The following CNGA3 variants were observed in gnomAD, a reference collection of about 807,000 sequenced individuals.
CNGA3 encodes cyclic nucleotide-gated channel alpha-3.
Under a neutral mutation model 46.6 loss-of-function variants are expected in CNGA3, and 42 were observed. The ratio of observed to expected loss-of-function variants is 0.90; its 90% CI spans 0.70 to 1.17. The LOEUF is 1.17. Among genes scored for constraint, CNGA3 ranks in the 50% most tolerant of loss-of-function variants. CNGA3 has a pLI of 0.00. For missense variants in CNGA3, 893 were observed against 890.7 expected, an observed-to-expected ratio of 1.00 and a Z score of -0.03; for synonymous variants, 394 against 369.4, an observed-to-expected ratio of 1.07 and a Z score of -0.76.
At chr2:98,360,765 A>C (rs190022540) in intron 1 of CNGA3, among the ~76,000 whole-genome samples, 1 of 152,298 alleles carries the variant, frequency 6.6e-6, no homozygotes, top group African/African-American at 2.4e-5. Context: ...GTTGAGTCCT[A>C]ATGTGGCTTC....
rs2104251620 is a variant in CNGA3, at chr2:98,397,285, G to A, written c.*30G>A. 6.2e-7 allele frequency: 1 copy of A among 1,608,966 alleles called. No homozygotes were observed. The highest frequency in any genetic ancestry group is 8.5e-7 in the Non-Finnish European group (1 of 1,176,870). On this transcript the variant is annotated 3_prime_UTR_variant, in exon 8 of 8. Transcript: ENST00000272602. ...GCAGCATCTGTCTCCTGCTTCACAGGGTCGACTGTCAGGGTGACCGTATGT... is the reference window on the plus strand; with the variant it reads ...GCAGCATCTGTCTCCTGCTTCACAGAGTCGACTGTCAGGGTGACCGTATGT...
chr2:98,390,226 C>A (rs984557444), intron 6 of CNGA3, among the ~76,000 whole-genome samples: 1 of 151,930 alleles, frequency 6.6e-6, no homozygotes, highest in South Asian at 2.1e-4. Flanking sequence ...ACCTCCACCT[C>A]CCGGGTTAAA....
Position 98,389,707 on chromosome 2 carries a change from C to T in CNGA3, c.499C>T (p.Leu167=). 6.2e-7 allele frequency: 1 copy of T among 1,613,838 alleles called. No individual in the cohort carries two copies. Among genetic ancestry groups the T allele is most frequent in the South Asian group, 1.1e-5 (1 of 91,064 alleles). The change falls in exon 6 of 8, where the codon CTG becomes TTG. Residue 167 remains leucine (L), a synonymous_variant. Transcript: ENST00000272602. ...GATCGTGGTGGACCCGTCCAGCAAC[C>T]TGTACTACCGCTGGCTGACCGCCAT... ...DAIVVDPSSN[L]YYRWLTAIAL... is the part of the protein sequence containing the mutation.
intron 5 of CNGA3, among the ~76,000 whole-genome samples, chr2:98,385,256 G>A (rs913706748): frequency 4.6e-5 from 7 of 152,216 alleles, no homozygotes; most frequent in Non-Finnish European, 7.3e-5. Context: ...GGGCAGCGCC[G>A]TCTGCTGGTG....
intron 5 of CNGA3, among the ~76,000 whole-genome samples, chr2:98,387,079 G>A (rs138966762): frequency 1.4e-4 from 22 of 152,256 alleles, no homozygotes; most frequent in Non-Finnish European, 2.1e-4. Flanking sequence ...CAGCTATTAC[G>A]GTAAACTCTT....
chr2:98,387,436 T>C (rs1692677434), intron 5 of CNGA3, among the ~76,000 whole-genome samples: 1 of 152,142 alleles, frequency 6.6e-6, no homozygotes, highest in Admixed American at 6.5e-5. Context: ...ACTCGAGGGG[T>C]TGTCCCTTCC....
intron 7 of CNGA3, among the ~76,000 whole-genome samples, chr2:98,392,860 C>T (rs79824163): frequency 6.6e-6 from 1 of 152,186 alleles, no homozygotes; most frequent in African/African-American, 2.4e-5. Flanking sequence ...AGGATACTCA[C>T]CCCTTCACAT....
chr2:98,377,457 C>G, intron 2 of CNGA3: 1 of 522,950 alleles, frequency 1.9e-6, no homozygotes, highest in Non-Finnish European at 3.5e-6. Context: ...GTCCTTTCAC[C>G]TAGCCCTGGA....
Position 98,346,553 on chromosome 2 carries a change from T to C in CNGA3, c.-38+19T>C, listed in dbSNP as rs904508124. On this transcript the variant is annotated intron_variant, in intron 1 of 7. Coordinates refer to ENST00000272602, the MANE Select transcript of CNGA3 (RefSeq NM_001298.3). ...TGGCAGGGTAAGGATTTTTAGGGGC[T>C]CTTGAGCTGGAATTTTTTGGGGGGC... is the stretch of plus-strand genomic sequence containing the variant. 1.8e-5 allele frequency: 7 copies of C among 397,184 alleles called. No homozygotes were observed. The highest frequency in any genetic ancestry group is 3.1e-5 in the Non-Finnish European group (7 of 225,658). 24.6% of individuals were successfully genotyped at this position (397,184 alleles called of 1,614,324 possible). A position where few individuals can be genotyped will look rare whatever the true frequency, so the allele number is the denominator to read the frequency against.
In CNGA3 at chr2:98,395,945, A is replaced by G. The variant is rs1191742974; in HGVS notation, c.775A>G (p.Thr259Ala). ...FKLDVLSLVP[T>A]DLAYLKVGTN... ...GCTGGATGTGTTGTCCCTGGTCCCC[A>G]CCGACCTGGCTTACTTAAAGGTGGG... Residue 259 changes from threonine (T) to alanine (A), a missense_variant, in exon 8 of 8, where the codon ACC becomes GCC. Thr to Ala is a moderately conservative substitution (Grantham distance 58, BLOSUM62 0). Around this residue, in one of 3 missense-constraint regions of CNGA3, gnomAD observed 548 missense variants for 570.8 expected, o/e 0.96. Transcript: ENST00000272602. 2 of 1,614,206 alleles carry G rather than the reference A, an allele frequency of 1.2e-6. No homozygotes were observed. The highest frequency in any genetic ancestry group is 2.2e-5 in the East Asian group (1 of 44,890).
At position 98,396,555 on chromosome 2, in the gene CNGA3, A is replaced by G; in HGVS notation, c.1385A>G (p.Asp462Gly). ...AAGGAGGTGCTCAAGAGCCTCCCAG[A>G]CAAGCTGAAGGCTGAGATCGCCATC... ...DEKEVLKSLP[D>G]KLKAEIAINV... Residue 462 changes from aspartate to glycine, a missense_variant, in exon 8 of 8, where the codon GAC becomes GGC. By Grantham distance (94) the Asp-to-Gly change is moderately conservative. This residue lies in a region of CNGA3 where 548 missense variants were observed against 570.8 expected (regional missense o/e 0.96). Coordinates refer to ENST00000272602, the MANE Select transcript of CNGA3 (RefSeq NM_001298.3). 6.2e-7 allele frequency: 1 copy of G among 1,614,048 alleles called. No homozygotes were observed. Among genetic ancestry groups the G allele is most frequent in the Non-Finnish European group, 8.5e-7 (1 of 1,179,990 alleles).
At chr2:98,390,007 C>A (rs1483408664) in intron 6 of CNGA3, among the ~76,000 whole-genome samples, 1 of 152,174 alleles carries the variant, frequency 6.6e-6, no homozygotes, top group South Asian at 2.1e-4. Context: ...GCCAGGGTTT[C>A]GGCACTGTGG....
At chr2:98,348,849 C>A (rs1691705529) in intron 1 of CNGA3, among the ~76,000 whole-genome samples, 1 of 152,198 alleles carries the variant, frequency 6.6e-6, no homozygotes, top group East Asian at 1.9e-4. Flanking sequence ...TGCAACCTAC[C>A]AGGTGGCCTG....
chr2:98,351,586 C>A (rs1000069756), intron 1 of CNGA3, among the ~76,000 whole-genome samples: 8 of 152,172 alleles, frequency 5.3e-5, no homozygotes, highest in Non-Finnish European at 1.0e-4. Context: ...ATGTCTTTAT[C>A]AGCAGCATGA....
chr2:98,377,993 G>T, intron 3 of CNGA3, 193 bp downstream of exon 3: 1 of 1,509,066 alleles, frequency 6.6e-7, no homozygotes, highest in Non-Finnish European at 8.9e-7. Context: ...GCTCAGAAAA[G>T]TCTAAGGAAA....
At chr2:98,382,015 G>A (rs555507454) in intron 4 of CNGA3, among the ~76,000 whole-genome samples, 4 of 152,282 alleles carry the variant, frequency 2.6e-5, no homozygotes, top group African/African-American at 9.6e-5. Context: ...AGAGATGAAT[G>A]TTAGACTCTC....
In CNGA3 at chr2:98,398,377, CCTTCA is replaced by C. The variant is rs1692973311; in HGVS notation, c.*1126_*1130del. 1 of 152,256 alleles carries C rather than the reference CCTTCA, an allele frequency of 6.6e-6. No individual in the cohort carries two copies. Among genetic ancestry groups the C allele is most frequent in the South Asian group, 2.1e-4 (1 of 4,814 alleles). 9.4% of individuals were successfully genotyped at this position (152,256 alleles called of 1,614,324 possible). ...TGCAAATTATGACCTCAAATTCCAT[CCTTCA>C]CTTATGTAACATGTTGCAAATTACC... On this transcript the variant is annotated 3_prime_UTR_variant, in exon 8 of 8. Transcript: ENST00000272602.
intron 7 of CNGA3, among the ~76,000 whole-genome samples, chr2:98,393,640 C>G (rs1343640093): frequency 6.6e-6 from 1 of 152,170 alleles, no homozygotes; most frequent in African/African-American, 2.4e-5. Context: ...TGTAAGTGGC[C>G]CATTGGGCTG....
intron 7 of CNGA3, among the ~76,000 whole-genome samples, chr2:98,395,096 G>C (rs1328985027): frequency 6.6e-6 from 1 of 151,968 alleles, no homozygotes; most frequent in Non-Finnish European, 1.5e-5. Flanking sequence ...ACTGTGACTT[G>C]TGTTTCTTTC....
Sources: allele counts gnomAD v4.1 joint callset (sites outside exome capture counted in the v4.1 genomes callset), GRCh38; gene constraint gnomAD v4.1.1; regional missense constraint gnomAD v4.1.1; transcripts MANE v1.5; gene names NCBI Gene and HGNC (gene_info 2026-07-23, HGNC 2026-07-21).